The following FAM135A variants were observed in gnomAD, a reference collection of about 807,000 sequenced individuals.
The protein encoded by FAM135A is family with sequence similarity 135 member A, also known as protein FAM135A.
In FAM135A, 79 loss-of-function variants were observed where a neutral mutation model predicts 146.8. The observed-to-expected ratio is 0.54, with a 90% confidence interval of 0.45 to 0.65. The LOEUF (loss-of-function observed/expected upper bound fraction) is 0.65, where lower values mean the gene tolerates loss of function less well. FAM135A is among the 30% of genes least tolerant of loss of function. The probability of loss-of-function intolerance (pLI) is 0.00; values close to 1 mark genes in which losing one functional copy is unlikely to be tolerated. For synonymous variants in FAM135A, 562 were observed against 603.6 expected (o/e 0.93, Z 1.01); for missense variants, 1,623 against 1,758.2 (o/e 0.92, Z 1.38).
chr6:70,547,144 A>G (rs576556131), intron 20 of FAM135A, among the ~76,000 whole-genome samples: 1 of 152,258 alleles, frequency 6.6e-6, no homozygotes, highest in South Asian at 2.1e-4. Flanking sequence ...TCTGACAAAT[A>G]AAGTATAGAA....
chr6:70,518,077 G>A lies in FAM135A; in HGVS notation c.1030-4436G>A, dbSNP rs1233462087. 2.6e-5 allele frequency among the ~76,000 whole-genome samples: 4 copies of A among 152,210 alleles called. No individual in the cohort carries two copies. The East Asian group carries it at 5.8e-4, about 22-fold the overall frequency. On this transcript the variant is annotated intron_variant, in intron 12 of 21. Coordinates refer to ENST00000418814, the MANE Select transcript of FAM135A (RefSeq NM_001162529.3). ...GTCGAAAGCCAAGATAGACTGCAAGGTAGGTCTCTTGCACCAGTTAGCCAA... is the reference window on the plus strand; with the variant it reads ...GTCGAAAGCCAAGATAGACTGCAAGATAGGTCTCTTGCACCAGTTAGCCAA...
intron 5 of FAM135A, among the ~76,000 whole-genome samples, chr6:70,454,674 C>G (rs1777920063): frequency 6.6e-6 from 1 of 152,028 alleles, no homozygotes. Flanking sequence ...AATCCTTTCC[C>G]TATTTGTTGT....
intron 12 of FAM135A, among the ~76,000 whole-genome samples, chr6:70,511,536 A>G (rs1288400546): frequency 6.6e-6 from 1 of 151,786 alleles, no homozygotes; most frequent in Non-Finnish European, 1.5e-5. Flanking sequence ...CTATGTTACC[A>G]TAGATTTTCT....
rs112432152 is a variant in FAM135A, at chr6:70,431,275, G to A, written c.77+2856G>A. 4.2e-3 allele frequency among the ~76,000 whole-genome samples: 640 copies of A among 152,250 alleles called. 3 individuals carry two copies. Among genetic ancestry groups the A allele is most frequent in the African/African-American group, 0.015 (604 of 41,556 alleles). On this transcript the variant is annotated intron_variant, in intron 4 of 21. Coordinates refer to ENST00000418814, the MANE Select transcript of FAM135A (RefSeq NM_001162529.3). ...ATTTATTTTTGCTCCTAAGTCTGTG[G>A]ATCATCTCAACGGTTCTACTGATCT...
At chr6:70,479,248 A>G (rs1783237518) in intron 8 of FAM135A, among the ~76,000 whole-genome samples, 1 of 152,198 alleles carries the variant, frequency 6.6e-6, no homozygotes, top group African/African-American at 2.4e-5. Context: ...TCACCATCGT[A>G]GTGAGTTAAA....
At chr6:70,488,057 T>A (rs1364139407) in intron 10 of FAM135A, among the ~76,000 whole-genome samples, 1 of 152,166 alleles carries the variant, frequency 6.6e-6, no homozygotes, top group Non-Finnish European at 1.5e-5. Context: ...ATGTACCCTT[T>A]GACCTAGCAT....
At position 70,525,409 on chromosome 6, in the gene FAM135A, A is replaced by G. The variant is rs1582754823; in HGVS notation, c.2325A>G (p.Glu775=). The G allele has an allele frequency of 6.2e-7, 1 of 1,613,606 alleles. No individual in the cohort carries two copies. The highest frequency in any genetic ancestry group is 1.1e-5 in the South Asian group (1 of 91,066). The change falls in exon 15 of 22, where the codon GAA becomes GAG. Residue 775 remains glutamate (E), a synonymous_variant. Coordinates refer to ENST00000418814, the MANE Select transcript of FAM135A (RefSeq NM_001162529.3). ...SRFSDSGVES[E]PSSFATHPNT... Reference sequence around the variant, plus strand: ...TTTCAGATTCAGGTGTTGAAAGTGAACCGAGTTCTTTTGCGACACATCCAA... The same window carrying G: ...TTTCAGATTCAGGTGTTGAAAGTGAGCCGAGTTCTTTTGCGACACATCCAA...
At chr6:70,556,044 T>G (rs1346338886) in intron 20 of FAM135A, among the ~76,000 whole-genome samples, 2 of 151,354 alleles carry the variant, frequency 1.3e-5, no homozygotes, top group Non-Finnish European at 2.9e-5. Context: ...AGGCCAGGAG[T>G]TCAAGACCAG....
intron 21 of FAM135A, among the ~76,000 whole-genome samples, chr6:70,558,019 T>C (rs1269741674): frequency 1.3e-5 from 2 of 152,198 alleles, no homozygotes; most frequent in Non-Finnish European, 2.9e-5. Flanking sequence ...TAGCTGAAAC[T>C]AGATAAATGT....
chr6:70,498,726 G>A (rs536489913), intron 11 of FAM135A, among the ~76,000 whole-genome samples: 2 of 151,976 alleles, frequency 1.3e-5, no homozygotes, highest in African/African-American at 2.4e-5. Flanking sequence ...CCTTAATTTC[G>A]TTGTTTACCC....
chr6:70,424,323 C>T (rs1037822655), intron 2 of FAM135A, among the ~76,000 whole-genome samples: 1 of 152,232 alleles, frequency 6.6e-6, no homozygotes, highest in Non-Finnish European at 1.5e-5. Flanking sequence ...TTGACAAATA[C>T]TATTCCGTCA....
intron 5 of FAM135A, among the ~76,000 whole-genome samples, chr6:70,474,362 T>C (rs368974476): frequency 3.9e-5 from 6 of 152,092 alleles, no homozygotes; most frequent in Non-Finnish European, 8.8e-5. Context: ...TGGAGTGACA[T>C]CAATGACCCA....
In FAM135A at chr6:70,423,729, G is replaced by C. The variant is rs566966119; in HGVS notation, c.-133-2710G>C. 3.9e-5 allele frequency among the ~76,000 whole-genome samples: 6 copies of C among 152,334 alleles called. No homozygotes were observed. In the East Asian group the frequency reaches 1.2e-3, roughly 29 times the overall value. Reference sequence around the variant, plus strand: ...ATTTGGCTAAAAGGAAGGGAAAACAGATGTGACAAGCAGTCTACCACAGTC... The same window carrying C: ...ATTTGGCTAAAAGGAAGGGAAAACACATGTGACAAGCAGTCTACCACAGTC... On this transcript the variant is annotated intron_variant, in intron 2 of 21. Coordinates refer to ENST00000418814, the MANE Select transcript of FAM135A (RefSeq NM_001162529.3).
intron 4 of FAM135A, among the ~76,000 whole-genome samples, chr6:70,441,131 C>T (rs186410065): frequency 1.1e-4 from 16 of 152,210 alleles, no homozygotes; most frequent in African/African-American, 3.6e-4. Flanking sequence ...CTGTGGCTCA[C>T]GTCTGTTACC....
At chr6:70,532,156 G>C (rs1795951512) in intron 16 of FAM135A, among the ~76,000 whole-genome samples, 1 of 151,974 alleles carries the variant, frequency 6.6e-6, no homozygotes, top group Non-Finnish European at 1.5e-5. Context: ...GATTACAGGC[G>C]TGAGCCACCG....
chr6:70,439,876 A>G (rs1774068155), intron 4 of FAM135A, among the ~76,000 whole-genome samples: 1 of 152,118 alleles, frequency 6.6e-6, no homozygotes, highest in Non-Finnish European at 1.5e-5. Flanking sequence ...TTTTCTTCCT[A>G]TTTCACCTGT....
intron 12 of FAM135A, among the ~76,000 whole-genome samples, chr6:70,517,415 CTTTTTTTTTTTT>C (rs746307665): frequency 7.9e-6 from 1 of 127,108 alleles, no homozygotes; most frequent in South Asian, 2.5e-4. Flanking sequence ...CGTCTTTTTC[CTTTTTTTTTTTT>C]TTTTTTTTTA....
chr6:70,526,462 A>T lies in FAM135A; in HGVS notation c.3378A>T (p.Arg1126Ser). ...GCAGAGATGAACTAATGGAAGAAAG[A>T]CTTACAAAATCTGAAAAAATAAACA... Reference protein sequence around the residue: ...YTSRDELMEERLTKSEKINSD... With the variant: ...YTSRDELMEESLTKSEKINSD... Residue 1126 changes from arginine (R) to serine (S), a missense_variant, in exon 15 of 22, where the codon AGA (arginine) becomes AGT (serine). Arg to Ser is a moderately radical substitution (Grantham distance 110). This residue lies in a region of FAM135A where 1,061 missense variants were observed against 1,113.8 expected (regional missense o/e 0.95). Transcript: ENST00000418814. 1 of 1,613,546 alleles carries T rather than the reference A, an allele frequency of 6.2e-7. No homozygotes were observed.
intron 12 of FAM135A, chr6:70,504,565 C>T (rs534033412): frequency 3.3e-5 from 5 of 152,200 alleles, no homozygotes; most frequent in African/African-American, 9.6e-5. Flanking sequence ...ATGTTTGAGA[C>T]AATTGGGTAT....
Sources: gnomAD v4.1 joint callset for allele counts (sites outside exome capture counted in the v4.1 genomes callset) on GRCh38, gnomAD v4.1.1 for gene constraint, gnomAD v4.1.1 regional missense constraint, MANE v1.5 for transcripts, NCBI Gene and HGNC (gene_info 2026-07-23, HGNC 2026-07-21) for gene names.